Variants in CAST observed in about 807,000 individuals in gnomAD.
CAST encodes the protein calpastatin, also known as MIR583 host.
Under a neutral mutation model 119.6 loss-of-function variants are expected in CAST, and 76 were observed. The ratio of observed to expected loss-of-function variants is 0.64; its 90% CI spans 0.53 to 0.77. The LOEUF is 0.77. CAST is among the 30% of genes least tolerant of loss of function. CAST has a pLI of 0.00. For missense variants in CAST, 953 were observed against 946.5 expected, an observed-to-expected ratio of 1.01 and a Z score of -0.09; for synonymous variants, 319 against 331.6, an observed-to-expected ratio of 0.96 and a Z score of 0.41.
the CAST span, chr5:96,392,872 A>C: frequency 1.0e-6 from 1 of 957,598 alleles, no homozygotes. Context: ...TTAGGGAGAA[A>C]AAGAAAAGGT....
the CAST span, among the ~76,000 whole-genome samples, chr5:96,470,886 T>C: frequency 1.8e-4 from 28 of 152,226 alleles, 1 homozygote; most frequent in Admixed American, 1.7e-3. Flanking sequence ...GTACTATAGC[T>C]ATAAATCTAA....
chr5:96,399,539 T>C, the CAST span, among the ~76,000 whole-genome samples: 3 of 152,222 alleles, frequency 2.0e-5, no homozygotes, highest in Non-Finnish European at 4.4e-5. Flanking sequence ...CACAGCACTG[T>C]GGCATGAAGC....
the CAST span, among the ~76,000 whole-genome samples, chr5:96,082,329 C>T: frequency 7.9e-5 from 12 of 152,172 alleles, 1 homozygote; most frequent in African/African-American, 2.9e-4. Context: ...GTGCCACAAC[C>T]TATCCTTGGT....
intron 16 of CAST, among the ~76,000 whole-genome samples, chr5:96,746,098 G>A (rs1243123846): frequency 6.6e-6 from 1 of 152,226 alleles, no homozygotes; most frequent in African/African-American, 2.4e-5. Context: ...GGTCACAGCA[G>A]CTGGGAGCAG....
At chr5:96,354,577 A>G in the CAST span, among the ~76,000 whole-genome samples, 1 of 151,760 alleles carries the variant, frequency 6.6e-6, no homozygotes, top group Admixed American at 6.6e-5. Context: ...ATGTCTCAGG[A>G]TTGATGAAAT....
At chr5:96,045,268 G>A in the CAST span, among the ~76,000 whole-genome samples, 13 of 151,712 alleles carry the variant, frequency 8.6e-5, no homozygotes, top group Admixed American at 2.6e-4. Context: ...CAGGAGAATC[G>A]CTTGAACCCA....
At chr5:96,628,182 G>A (rs922909955) in intron 1 of CAST, among the ~76,000 whole-genome samples, 6 of 152,196 alleles carry the variant, frequency 3.9e-5, no homozygotes, top group African/African-American at 1.4e-4. Context: ...GTAATGGCAT[G>A]CATGGAAAAG....
At chr5:96,005,819 A>G in the CAST span, among the ~76,000 whole-genome samples, 4 of 152,146 alleles carry the variant, frequency 2.6e-5, no homozygotes, top group Non-Finnish European at 4.4e-5. Flanking sequence ...AATTGGAGAA[A>G]CAAGAAAAAT....
At chr5:96,143,680 T>C in the CAST span, among the ~76,000 whole-genome samples, 1 of 152,234 alleles carries the variant, frequency 6.6e-6, no homozygotes, top group Non-Finnish European at 1.5e-5. Flanking sequence ...ATTTCAACTC[T>C]ATAAACCTCA....
At chr5:95,994,398 T>TATA in the CAST span, among the ~76,000 whole-genome samples, 1 of 152,280 alleles carries the variant, frequency 6.6e-6, no homozygotes, top group South Asian at 2.1e-4. Context: ...ATCACAACAT[T>TATA]ATATTCCATG....
chr5:96,235,280 C>T, the CAST span, among the ~76,000 whole-genome samples: 1 of 152,082 alleles, frequency 6.6e-6, no homozygotes, highest in African/African-American at 2.4e-5. Flanking sequence ...GGGTTAAAAT[C>T]CCAGCTCTCA....
At chr5:96,113,736 T>C in the CAST span, among the ~76,000 whole-genome samples, 5 of 152,228 alleles carry the variant, frequency 3.3e-5, no homozygotes, top group African/African-American at 1.2e-4. Flanking sequence ...TTCCAGAGCA[T>C]GTCTGCACAG....
the CAST span, among the ~76,000 whole-genome samples, chr5:96,249,863 A>G: frequency 1.3e-5 from 2 of 152,130 alleles, no homozygotes; most frequent in Admixed American, 1.3e-4. Context: ...CCTCTACCAT[A>G]TTCCCATAGA....
the CAST span, among the ~76,000 whole-genome samples, chr5:96,244,393 G>T: frequency 6.6e-6 from 1 of 152,038 alleles, no homozygotes; most frequent in South Asian, 2.1e-4. Flanking sequence ...GTATTGTTCT[G>T]GGAAATATGG....
At chr5:96,041,707 A>T in the CAST span, among the ~76,000 whole-genome samples, 6 of 148,506 alleles carry the variant, frequency 4.0e-5, no homozygotes, top group African/African-American at 1.2e-4. Flanking sequence ...AAACTATTAT[A>T]AAAAAAAAAG....
upstream of CAST, among the ~76,000 whole-genome samples, chr5:96,657,619 G>C (rs1748183111): frequency 6.6e-6 from 1 of 152,146 alleles, no homozygotes; most frequent in African/African-American, 2.4e-5. Context: ...AATTAATCTA[G>C]CTTTGGTAAA....
the CAST span, among the ~76,000 whole-genome samples, chr5:96,476,138 T>A: frequency 6.6e-6 from 1 of 152,256 alleles, no homozygotes; most frequent in African/African-American, 2.4e-5. Context: ...GACCAGCAAA[T>A]CTTTTCCCTG....
chr5:96,252,576 C>T, the CAST span, among the ~76,000 whole-genome samples: 19,059 of 152,000 alleles, frequency 0.13, 1,565 homozygotes, highest in East Asian at 0.22. Flanking sequence ...AGGAAATTGA[C>T]GCTCACAGAG....
the CAST span, among the ~76,000 whole-genome samples, chr5:96,109,776 A>T: frequency 5.8e-4 from 89 of 152,314 alleles, 2 homozygotes; most frequent in African/African-American, 2.1e-3. Flanking sequence ...GCGGTAGAGT[A>T]GTTTTCCCTG....
Sources: gnomAD v4.1 joint callset for allele counts (sites outside exome capture counted in the v4.1 genomes callset) on GRCh38, gnomAD v4.1.1 for gene constraint, MANE v1.5 for transcripts, NCBI Gene and HGNC (gene_info 2026-07-23, HGNC 2026-07-21) for gene names.